Variants in AGL observed in about 807,000 individuals in gnomAD.
AGL encodes glycogen debranching enzyme.
AGL carries 128 observed loss-of-function variants against 199.3 expected under a neutral mutation model. That is an observed-to-expected ratio of 0.64 (90% CI 0.56 to 0.74). The LOEUF (loss-of-function observed/expected upper bound fraction) is 0.74. Ranked by LOEUF, AGL falls within the 30% of genes least tolerant of loss-of-function variation. AGL has a pLI of 0.00. For synonymous variants in AGL, 584 were observed against 594.7 expected (o/e 0.98, Z 0.26); for missense variants, 1,809 against 1,820.8 (o/e 0.99, Z 0.12).
chr1:99,902,266 C>G (rs1008564608), intron 26 of AGL, among the ~76,000 whole-genome samples: 3 of 152,096 alleles, frequency 2.0e-5, no homozygotes, highest in African/African-American at 4.8e-5. Context: ...TATGGATCCT[C>G]AAATTTGAGA....
intron 27 of AGL, among the ~76,000 whole-genome samples, chr1:99,910,097 T>A (rs747385192): frequency 5.3e-5 from 8 of 152,304 alleles, no homozygotes; most frequent in Non-Finnish European, 8.8e-5. Context: ...AGATTTATCT[T>A]TTTTATATAA....
At chr1:99,919,601 A>C (rs968128506) in intron 33 of AGL, among the ~76,000 whole-genome samples, 1 of 152,200 alleles carries the variant, frequency 6.6e-6, no homozygotes, top group Non-Finnish European at 1.5e-5. Context: ...AAATACATAC[A>C]CACTTATCTT....
chr1:99,921,895 A>G lies in AGL; in HGVS notation c.*244A>G. The stretch of plus-strand genomic sequence containing the variant: ...GTTTGAGTTCAGTAAGAATTATTCA[A>G]ATGCCTAGAAATCCATAGTTTGGAA... On this transcript the variant is annotated 3_prime_UTR_variant, in exon 34 of 34. Coordinates refer to ENST00000361915, the MANE Select transcript of AGL (RefSeq NM_000642.3). 1 of 298,592 alleles carries G rather than the reference A, an allele frequency of 3.3e-6. No homozygotes were observed. The highest frequency in any genetic ancestry group is 6.1e-6 in the Non-Finnish European group (1 of 163,316). 18.5% of individuals were successfully genotyped at this position (298,592 alleles called of 1,614,324 possible).
At chr1:99,859,298 A>G (rs1483329717) in intron 2 of AGL, among the ~76,000 whole-genome samples, 1 of 151,996 alleles carries the variant, frequency 6.6e-6, no homozygotes, top group Non-Finnish European at 1.5e-5. Context: ...CTCTAATTTT[A>G]AAATGTTTTC....
chr1:99,910,954 C>A, intron 28 of AGL, 107 bp downstream of exon 28: 1 of 1,221,758 alleles, frequency 8.2e-7, no homozygotes, highest in South Asian at 1.3e-5. Context: ...TTAAGTCAAT[C>A]AAAATTTCCC....
At chr1:99,849,738 A>T (rs1648772940), upstream of AGL, among the ~76,000 whole-genome samples, 1 of 152,242 alleles carries the variant, frequency 6.6e-6, no homozygotes, top group Admixed American at 6.5e-5. Context: ...ACTTAGGCCA[A>T]GTAAAAATTA....
rs1557798535 is a variant in AGL at position 99,921,676 on chromosome 1, A to G, written c.*25A>G. 7 of 1,502,006 alleles carry G rather than the reference A, an allele frequency of 4.7e-6. No individual in the cohort carries two copies. The highest frequency in any genetic ancestry group is 1.1e-5 in the South Asian group (1 of 88,620). The allele number at this position is 1,502,006 out of a possible 1,614,324, so 93.0% of individuals were successfully genotyped here. Reference sequence around the variant, plus strand: ...GTTTATTACAGATATTAAGTATGCAATTACTTGTATTATAGGATGCAAGGT... The same window carrying G: ...GTTTATTACAGATATTAAGTATGCAGTTACTTGTATTATAGGATGCAAGGT... On this transcript the variant is annotated 3_prime_UTR_variant, in exon 34 of 34. Coordinates refer to ENST00000361915, the MANE Select transcript of AGL (RefSeq NM_000642.3).
intron 5 of AGL, among the ~76,000 whole-genome samples, chr1:99,867,988 G>A (rs1360589830): frequency 4.6e-5 from 7 of 152,180 alleles, no homozygotes. Context: ...CAAGACTCTT[G>A]CTGTTCTTAT....
intron 33 of AGL, among the ~76,000 whole-genome samples, chr1:99,917,751 T>C (rs1655238297): frequency 6.6e-6 from 1 of 152,186 alleles, no homozygotes. Flanking sequence ...GTCTTTATAG[T>C]TTACCTTCCA....
intron 2 of AGL, among the ~76,000 whole-genome samples, chr1:99,854,841 G>A (rs1476337902): frequency 6.6e-6 from 1 of 151,842 alleles, no homozygotes; most frequent in African/African-American, 2.4e-5. Flanking sequence ...GAGACAAGAA[G>A]CATTGAGAAG....
chr1:99,857,180 C>CT (rs1649568388), intron 2 of AGL, among the ~76,000 whole-genome samples: 1 of 150,994 alleles, frequency 6.6e-6, no homozygotes, highest in African/African-American at 2.4e-5. Context: ...GACGGGGTCG[C>CT]AGCCGGGCAG....
At chr1:99,897,907 G>A (rs950513262) in intron 25 of AGL, among the ~76,000 whole-genome samples, 1 of 152,126 alleles carries the variant, frequency 6.6e-6, no homozygotes, top group Non-Finnish European at 1.5e-5. Flanking sequence ...CATTATTAAT[G>A]TTTAGGCTCC....
At chr1:99,913,012 C>T (rs1248596983) in intron 29 of AGL, among the ~76,000 whole-genome samples, 1 of 152,084 alleles carries the variant, frequency 6.6e-6, no homozygotes, top group Non-Finnish European at 1.5e-5. Context: ...CGCTTGAGCT[C>T]AGGAGTTTGA....
At chr1:99,919,645 A>AC (rs1373079134) in intron 33 of AGL, among the ~76,000 whole-genome samples, 2 of 152,032 alleles carry the variant, frequency 1.3e-5, no homozygotes, top group Non-Finnish European at 2.9e-5. Context: ...TGTGTTGAAA[A>AC]CCTGAGTTTA....
At chr1:99,850,059 C>A (rs910933776), upstream of AGL, 1 of 152,316 alleles carries the variant, frequency 6.6e-6, no homozygotes, top group Non-Finnish European at 1.5e-5. Flanking sequence ...GCGAGACTAG[C>A]GGTCGGGGCG....
chr1:99,856,396 T>C (rs936527994), intron 2 of AGL, among the ~76,000 whole-genome samples: 4 of 138,722 alleles, frequency 2.9e-5, no homozygotes, highest in South Asian at 2.6e-4. Context: ...CCCTCCCTCC[T>C]TCCTTCTTTC....
intron 2 of AGL, among the ~76,000 whole-genome samples, chr1:99,852,054 A>G (rs1264609478): frequency 4.6e-5 from 7 of 151,430 alleles, no homozygotes; most frequent in Non-Finnish European, 1.0e-4. Context: ...CCCCTGTTGC[A>G]TATTCTTGTC....
At chr1:99,914,576 G>C (rs1332554280) in intron 30 of AGL, among the ~76,000 whole-genome samples, 4 of 152,160 alleles carry the variant, frequency 2.6e-5, no homozygotes, top group Middle Eastern at 3.2e-3. Flanking sequence ...CACAAAGGTA[G>C]CTTTGGTTCA....
rs534098337 is a variant in AGL at position 99,916,826 on chromosome 1, T to C, written c.4481+95T>C. 3.2e-5 allele frequency: 43 copies of C among 1,334,492 alleles called. No individual in the cohort carries two copies. The African/African-American group carries it at 4.8e-4, about 15-fold the overall frequency. 82.7% of individuals were successfully genotyped at this position (1,334,492 alleles called of 1,614,324 possible). A position where few individuals can be genotyped will look rare whatever the true frequency, so the allele number is the denominator to read the frequency against. On this transcript the variant is annotated intron_variant, in intron 33 of 33. Transcript: ENST00000361915. ...CAGTTTCTTAGAATTGATTTCTGTA[T>C]GCCCTAGGTATCCCAATGAAAAGTG... is the stretch of plus-strand genomic sequence containing the variant.
Sources: allele counts gnomAD v4.1 joint callset (sites outside exome capture counted in the v4.1 genomes callset), GRCh38; gene constraint gnomAD v4.1.1; transcripts MANE v1.5; gene names NCBI Gene and HGNC (gene_info 2026-07-23, HGNC 2026-07-21).